Variants in NT5C1B observed in about 807,000 individuals in gnomAD.
NT5C1B encodes the protein cytosolic 5'-nucleotidase 1B.
In NT5C1B, 44 loss-of-function variants were observed where a neutral mutation model predicts 57.8. That is an observed-to-expected ratio of 0.76 (90% confidence interval 0.60 to 0.98). NT5C1B has a LOEUF of 0.98. Among genes scored for constraint, NT5C1B ranks in the 50% least tolerant of loss-of-function variants. NT5C1B has a pLI of 0.00. For synonymous variants in NT5C1B, 284 were observed against 282.6 expected (o/e 1.00, Z -0.05); for missense variants, 742 against 719.5 (o/e 1.03, Z -0.36).
In NT5C1B at chr2:18,587,145, G is replaced by A. The variant is rs373286312; in HGVS notation, c.120+358C>T. ...ACCCTGGAAGGGGCAACATCTCAGC[G>A]AGTGATTCGGATTGACTGCACGCCT... On this transcript the variant is annotated intron_variant, in intron 2 of 8. Coordinates refer to ENST00000304081, the Ensembl canonical transcript of NT5C1B. 7 of 1,613,792 alleles carry A rather than the reference G, an allele frequency of 4.3e-6. No individual in the cohort carries two copies. The East Asian group carries it at 6.7e-5, about 15-fold the overall frequency.
At chr2:18,581,645 T>C (rs2148153058) in intron 6 of NT5C1B, among the ~76,000 whole-genome samples, 1 of 152,306 alleles carries the variant, frequency 6.6e-6, no homozygotes, top group Non-Finnish European at 1.5e-5. Flanking sequence ...AAAAGTGTAT[T>C]CTACAAATCC....
Position 18,584,590 on chromosome 2 carries a change from T to A in NT5C1B, c.647A>T (p.Asp216Val), listed in dbSNP as rs1463887812. Residue 216 changes from aspartate to valine, a missense_variant, in exon 4 of 9, where the codon GAC (aspartate) becomes GTC (valine). Asp to Val is a radical substitution (Grantham distance 152, BLOSUM62 -3). Transcript: ENST00000304081. The surrounding 1 kb of genome is among the most constrained non-coding windows in gnomAD (Gnocchi z 5.8). ...TGCCCAGTAGGCAGCCTCGTAGTCG[T>A]CCTCGTCCTCCCGCTGCTGCTGCTG... The A allele has an allele frequency of 6.2e-7, 1 of 1,612,602 alleles. No individual in the cohort carries two copies. Among genetic ancestry groups the A allele is most frequent in the Admixed American group, 1.7e-5 (1 of 59,858 alleles).
Position 18,563,659 on chromosome 2 carries a change from A to G in NT5C1B, c.*137T>C, listed in dbSNP as rs565529376. 1.5e-5 allele frequency: 15 copies of G among 992,882 alleles called. No individual in the cohort carries two copies. In the African/African-American group the frequency reaches 1.6e-4, roughly 11 times the overall value. 61.5% of individuals were successfully genotyped at this position (992,882 alleles called of 1,614,324 possible). A position where few individuals can be genotyped will look rare whatever the true frequency, so the allele number is the denominator to read the frequency against. ...GAGGGTTCAAAAGGTTTTCCAAAAA[A>G]TCAGGAGAAAACCTTTCCAAAGAAG... On this transcript the variant is annotated 3_prime_UTR_variant, in exon 9 of 9. Coordinates refer to ENST00000304081, the Ensembl canonical transcript of NT5C1B.
At chr2:18,585,278 C>T (rs1481410684) in intron 3 of NT5C1B, 3 of 651,844 alleles carry the variant, frequency 4.6e-6, no homozygotes, top group Admixed American at 1.8e-5. Context: ...AGGCAGCTGA[C>T]ACATGGTTTG....
At chr2:18,589,403 C>T (rs751762838) in intron 1 of NT5C1B, 36 bp downstream of exon 1, 1 of 1,613,896 alleles carries the variant, frequency 6.2e-7, no homozygotes, top group African/African-American at 1.3e-5. Flanking sequence ...TTTCTTCAGC[C>T]CCATGGCAAG....
At chr2:18,589,073 A>G (rs1005002921) in intron 1 of NT5C1B, among the ~76,000 whole-genome samples, 1 of 152,190 alleles carries the variant, frequency 6.6e-6, no homozygotes, top group South Asian at 2.1e-4. Flanking sequence ...TTATGGAGCA[A>G]TGAGTTGTCC....
chr2:18,583,178 A>T (rs1666334217), intron 5 of NT5C1B, among the ~76,000 whole-genome samples, 181 bp from the exon 6 acceptor site: 1 of 152,184 alleles, frequency 6.6e-6, no homozygotes, highest in Non-Finnish European at 1.5e-5. Flanking sequence ...TCTCATTCAT[A>T]GGAACTCAGT....
chr2:18,568,600 CAG>C (rs1304013416), intron 8 of NT5C1B, among the ~76,000 whole-genome samples: 1 of 152,132 alleles, frequency 6.6e-6, no homozygotes, highest in Non-Finnish European at 1.5e-5. Flanking sequence ...TTGCCAAAAA[CAG>C]AAATAGTAGT....
chr2:18,566,046 G>C (rs747682048), intron 8 of NT5C1B, among the ~76,000 whole-genome samples: 6 of 151,936 alleles, frequency 3.9e-5, no homozygotes, highest in Non-Finnish European at 7.4e-5. Flanking sequence ...TTATGATCTT[G>C]CTTTAAGTCT....
At chr2:18,585,018 T>C (rs754261398) in intron 3 of NT5C1B, 40 bp from the exon 4 acceptor site, 6 of 1,581,828 alleles carry the variant, frequency 3.8e-6, no homozygotes, top group Non-Finnish European at 4.3e-6. Context: ...GAGGCCTGCC[T>C]GCCCATCTCC....
At chr2:18,565,228 C>T (rs1395972740) in intron 8 of NT5C1B, among the ~76,000 whole-genome samples, 2 of 152,052 alleles carry the variant, frequency 1.3e-5, no homozygotes, top group Non-Finnish European at 2.9e-5. Flanking sequence ...ATAATTTGTA[C>T]ATCATACAAA....
intron 8 of NT5C1B, among the ~76,000 whole-genome samples, chr2:18,567,912 GAA>G (rs1664788401): frequency 2.0e-5 from 3 of 152,132 alleles, no homozygotes; most frequent in Admixed American, 6.5e-5. Context: ...AGATTGAAAT[GAA>G]AAGAGTTGAA....
chr2:18,579,260 G>T (rs1323697050), intron 6 of NT5C1B, among the ~76,000 whole-genome samples: 1 of 152,100 alleles, frequency 6.6e-6, no homozygotes, highest in African/African-American at 2.4e-5. Flanking sequence ...AACTACCAAT[G>T]ACATTTTTCA....
exon 9 of NT5C1B, chr2:18,563,657 A>C: frequency 1.0e-6 from 1 of 981,256 alleles, no homozygotes; most frequent in East Asian, 2.7e-5. Context: ...GTTTTCCAAA[A>C]AATCAGGAGA....
At chr2:18,582,733 TAAAC>T (rs1451898559) in intron 6 of NT5C1B, 131 bp downstream of exon 6, 4 of 1,346,638 alleles carry the variant, frequency 3.0e-6, no homozygotes, top group Non-Finnish European at 4.0e-6. Context: ...CATAGGCAAA[TAAAC>T]ATTCCTGGCG....
intron 5 of NT5C1B, 116 bp downstream of exon 5, chr2:18,583,971 GA>G: frequency 6.3e-7 from 1 of 1,579,502 alleles, no homozygotes; most frequent in Non-Finnish European, 8.7e-7. Flanking sequence ...AAGGAGACAA[GA>G]ATGACAAGGG....
At chr2:18,564,152 C>G (rs765502267) in intron 8 of NT5C1B, 33 bp from the exon 9 acceptor site, 2 of 1,512,280 alleles carry the variant, frequency 1.3e-6, no homozygotes, top group Non-Finnish European at 1.8e-6. Context: ...AGCTGTGATA[C>G]AGTGAGCCAA....
intron 1 of NT5C1B, among the ~76,000 whole-genome samples, chr2:18,589,206 C>T (rs1666982587): frequency 6.6e-6 from 1 of 152,182 alleles, no homozygotes; most frequent in Non-Finnish European, 1.5e-5. Flanking sequence ...CATTTATATA[C>T]TACACGTTTT....
chr2:18,577,016 T>A, intron 6 of NT5C1B, 121 bp from the exon 7 acceptor site: 1 of 1,515,046 alleles, frequency 6.6e-7, no homozygotes, highest in Non-Finnish European at 8.8e-7. Context: ...GCTTTATTTG[T>A]GAACCTAAAG....
Sources: gnomAD v4.1 joint callset for allele counts (sites outside exome capture counted in the v4.1 genomes callset) on GRCh38, gnomAD v4.1.1 for gene constraint, Gnocchi (gnomAD v3.1) non-coding constraint, MANE v1.5 for transcripts, NCBI Gene and HGNC (gene_info 2026-07-23, HGNC 2026-07-21) for gene names.